The following TSBP1 variants were observed in gnomAD, a reference collection of about 807,000 sequenced individuals.
TSBP1 encodes the protein testis-expressed basic protein 1.
TSBP1 carries 56 observed loss-of-function variants against 68.8 expected under a neutral mutation model. The observed-to-expected ratio is 0.81, with a 90% CI of 0.66 to 1.02. TSBP1 has a LOEUF of 1.02. Among genes scored for constraint, TSBP1 ranks in the 50% least tolerant of loss-of-function variants. The probability of loss-of-function intolerance (pLI) is 0.00; values close to 1 mark genes in which losing one functional copy is unlikely to be tolerated. For missense variants in TSBP1, 502 were observed against 641.2 expected (o/e 0.78, Z 2.34); for synonymous variants, 171 against 208.7 (o/e 0.82, Z 1.56).
Position 32,292,864 on chromosome 6 carries a change from A to C in TSBP1, c.*117T>G. 1.5e-6 allele frequency: 1 copy of C among 674,972 alleles called. No individual in the cohort carries two copies. 41.8% of individuals were successfully genotyped at this position (674,972 alleles called of 1,614,324 possible). A position where few individuals can be genotyped will look rare whatever the true frequency, so the allele number is the denominator to read the frequency against. The stretch of plus-strand genomic sequence containing the variant: ...CTGAAGAGCAGAAACTGTGATATGA[A>C]GATGAAAGGGATTTTATAATTGTAA... On this transcript the variant is annotated 3_prime_UTR_variant, in exon 23 of 23. Coordinates refer to ENST00000612031, the Ensembl canonical transcript of TSBP1. The surrounding 1 kb of genome is among the most constrained non-coding windows in gnomAD (Gnocchi z 4.1).
At chr6:32,299,158 G>C (rs1401397122) in intron 22 of TSBP1, among the ~76,000 whole-genome samples, 1 of 152,158 alleles carries the variant, frequency 6.6e-6, no homozygotes, top group Non-Finnish European at 1.5e-5. Context: ...TTTAAATCCT[G>C]ACACCAATGT....
At chr6:32,349,966 A>G (rs1208369663) in intron 8 of TSBP1, 3 of 761,538 alleles carry the variant, frequency 3.9e-6, no homozygotes, top group Non-Finnish European at 7.3e-6. Context: ...AGGTGGGACT[A>G]CAAGATCTAT....
In TSBP1 at chr6:32,365,522, C is replaced by T. The variant is rs3129924; in HGVS notation, c.217+645G>A. ...TGGGTTCTGCAGTCTCTTTTCCCTG[C>T]TCCCAGCCTCTCCTAACCATTCAAC... On this transcript the variant is annotated intron_variant, in intron 6 of 22. Transcript: ENST00000612031. The surrounding 1 kb of genome is among the most constrained non-coding windows in gnomAD (Gnocchi z 4.3). 0.14 allele frequency: 64,984 copies of T among 456,436 alleles called. 5,300 individuals carry two copies. Among genetic ancestry groups the T allele is most frequent in the Non-Finnish European group, 0.17 (38,682 of 226,846 alleles). 28.3% of individuals were successfully genotyped at this position (456,436 alleles called of 1,614,324 possible). A position where few individuals can be genotyped will look rare whatever the true frequency, so the allele number is the denominator to read the frequency against.
intron 2 of TSBP1, among the ~76,000 whole-genome samples, chr6:32,369,372 G>GTTTTTTTTTTTTT (rs1430790167): frequency 1.2e-4 from 6 of 48,930 alleles, no homozygotes; most frequent in Non-Finnish European, 2.1e-4. Flanking sequence ...TAAACTCTGT[G>GTTTTTTTTTTTTT]ATTTTTTTTT....
intron 22 of TSBP1, among the ~76,000 whole-genome samples, chr6:32,299,636 G>A (rs1240165638): frequency 6.6e-6 from 1 of 152,010 alleles, no homozygotes; most frequent in Non-Finnish European, 1.5e-5. Flanking sequence ...TAAAAACTTG[G>A]GGCCTGGCAC....
At chr6:32,366,277 T>C in exon 5 of TSBP1, 1 of 1,599,500 alleles carries the variant, frequency 6.3e-7, no homozygotes, top group Non-Finnish European at 8.5e-7. Flanking sequence ...ATTTACCACT[T>C]TGTGTTGAAT....
chr6:32,349,496 T>G (rs904245946), intron 9 of TSBP1: 2 of 452,466 alleles, frequency 4.4e-6, no homozygotes, highest in Non-Finnish European at 7.8e-6. Context: ...TTTACTCTGT[T>G]TTTCCAACAC....
At chr6:32,347,877 G>C (rs910050) in intron 9 of TSBP1, among the ~76,000 whole-genome samples, 64,026 of 151,942 alleles carry the variant, frequency 0.42, 14,382 homozygotes, top group African/African-American at 0.54. Flanking sequence ...GTGGCTGCCA[G>C]CTTTTCGCCA....
chr6:32,365,580 G>A lies in TSBP1; in HGVS notation c.217+587C>T. On this transcript the variant is annotated intron_variant, in intron 6 of 22. Coordinates refer to ENST00000612031, the Ensembl canonical transcript of TSBP1. The surrounding 1 kb of genome is among the most constrained non-coding windows in gnomAD (Gnocchi z 4.3). ...ATCATCTCAATGTTCTGGGTGGAGT[G>A]AGAAATAAGTGGGCTTATCGGACAG... The A allele has an allele frequency of 2.2e-6, 1 of 456,480 alleles. No individual in the cohort carries two copies. The highest frequency in any genetic ancestry group is 2.3e-5 in the Admixed American group (1 of 42,572). 28.3% of individuals were successfully genotyped at this position (456,480 alleles called of 1,614,324 possible).
At position 32,304,369 on chromosome 6, in the gene TSBP1, GT is replaced by G. The variant is rs34115112; in HGVS notation, c.581-1741del. 7.3e-5 allele frequency among the ~76,000 whole-genome samples: 11 copies of G among 151,328 alleles called. No homozygotes were observed. Among genetic ancestry groups the G allele is most frequent in the Non-Finnish European group, 1.0e-4 (7 of 67,848 alleles). ...GCTAAAAATAAAATAAAACAAATCA[GT>G]TTTTTTTTAAATTATGTATTGAGTT... is the stretch of plus-strand genomic sequence containing the variant. On this transcript the variant is annotated intron_variant, in intron 19 of 22. Transcript: ENST00000612031. This position sits in a 1 kb window ranked among gnomAD's most constrained non-coding sequence, Gnocchi z 4.8.
At position 32,361,085 on chromosome 6, in the gene TSBP1, T is replaced by A. The variant is rs1245940318; in HGVS notation, c.217+5082A>T. 1.3e-5 allele frequency among the ~76,000 whole-genome samples: 2 copies of A among 152,106 alleles called. No homozygotes were observed. The highest frequency in any genetic ancestry group is 2.9e-5 in the Non-Finnish European group (2 of 68,024). On this transcript the variant is annotated intron_variant, in intron 6 of 22. Transcript: ENST00000612031. This position sits in a 1 kb window ranked among gnomAD's most constrained non-coding sequence, Gnocchi z 4.3. ...TGATGTTCCCCACCCTGTGTCCAAGTGTTCTCATTGTTCAGTTCCCACCTA... is the reference window on the plus strand; with the variant it reads ...TGATGTTCCCCACCCTGTGTCCAAGAGTTCTCATTGTTCAGTTCCCACCTA...
At chr6:32,322,407 A>G in intron 18 of TSBP1, 79 bp downstream of exon 20, 1 of 1,026,800 alleles carries the variant, frequency 9.7e-7, no homozygotes, top group Non-Finnish European at 1.5e-6. Context: ...AATATGAGAA[A>G]TATGAGGCAC....
intron 19 of TSBP1, among the ~76,000 whole-genome samples, chr6:32,303,314 G>GT (rs9279565): frequency 0.093 from 13,656 of 146,576 alleles, 957 homozygotes; most frequent in African/African-American, 0.18. Context: ...TCTAGTACGT[G>GT]TTTTTTTTTT....
chr6:32,349,829 A>T, exon 9 of TSBP1: 1 of 1,564,152 alleles, frequency 6.4e-7, no homozygotes, highest in African/African-American at 1.4e-5. Context: ...TGCCATAGAC[A>T]CTATATTGCA....
rs1337036876 is a variant in TSBP1 at position 32,349,738 on chromosome 6, A to T, written c.349+2T>A. The stretch of plus-strand genomic sequence containing the variant: ...GAATTGAAGAAAAGTAAAGGAACTT[A>T]CCAATACTTGATCGAGACAGTGCTA... On this transcript the variant is annotated splice_donor_variant, in intron 9 of 22. Coordinates refer to ENST00000612031, the Ensembl canonical transcript of TSBP1. LOFTEE classifies it high-confidence loss of function. The T allele has an allele frequency of 7.0e-6, 11 of 1,568,032 alleles. No individual in the cohort carries two copies. Among genetic ancestry groups the T allele is most frequent in the African/African-American group, 2.7e-5 (2 of 74,004 alleles).
rs961566088 is a variant in TSBP1, at chr6:32,293,574, G to A, written c.1099C>T (p.Gln367Ter). Residue 367 changes from glutamine to a stop codon, truncating the protein, a stop_gained, in exon 23 of 23, where the codon CAG (glutamine) becomes TAG (stop). Transcript: ENST00000612031. LOFTEE classifies it low-confidence loss of function (END_TRUNC). ...ACACCCATCTCACTCTTCTCTACCT[G>A]GGCTTCCTGTCCTTTCAGTACAACC... 6.2e-7 allele frequency: 1 copy of A among 1,612,788 alleles called. No homozygotes were observed. The highest frequency in any genetic ancestry group is 1.3e-5 in the African/African-American group (1 of 74,952).
chr6:32,293,605 A>G, exon 23 of TSBP1: 1 of 1,610,912 alleles, frequency 6.2e-7, no homozygotes, highest in Non-Finnish European at 8.5e-7. Flanking sequence ...CAACCAACCC[A>G]CTCTTCGTTA....
In TSBP1 at chr6:32,316,056, A is replaced by G. The variant is rs1766913877; in HGVS notation, c.560-264T>C. Among the ~76,000 whole-genome samples the G allele has an allele frequency of 1.3e-5, 2 of 152,234 alleles. No individual in the cohort carries two copies. Among genetic ancestry groups the G allele is most frequent in the Admixed American group, 1.3e-4 (2 of 15,282 alleles). On this transcript the variant is annotated intron_variant, in intron 18 of 22. Coordinates refer to ENST00000612031, the Ensembl canonical transcript of TSBP1. The surrounding 1 kb of genome is among the most constrained non-coding windows in gnomAD (Gnocchi z 4.5). ...TTTACTGGACCCAACAGCTTTGGGT[A>G]TAGTCTCGGGTAGAGACTGCCATAT...
At chr6:32,298,190 T>G (rs544773736) in intron 22 of TSBP1, among the ~76,000 whole-genome samples, 1 of 152,230 alleles carries the variant, frequency 6.6e-6, no homozygotes, top group East Asian at 1.9e-4. Context: ...ATCACAGTCC[T>G]ATCACTTTTT....
Sources: allele counts gnomAD v4.1 joint callset (sites outside exome capture counted in the v4.1 genomes callset), GRCh38; gene constraint gnomAD v4.1.1; non-coding constraint Gnocchi (gnomAD v3.1); transcripts MANE v1.5; gene names NCBI Gene and HGNC (gene_info 2026-07-23, HGNC 2026-07-21).